BCL10: variants seen among roughly 807,000 people sequenced by gnomAD.
The protein encoded by BCL10 is B-cell lymphoma/leukemia 10.
A neutral mutation model predicts 19.2 loss-of-function variants in BCL10; 5 were observed. The observed-to-expected ratio is 0.26, with a 90% confidence interval of 0.14 to 0.55. The LOEUF is 0.55. Ranked by LOEUF, BCL10 falls within the 20% of genes least tolerant of loss-of-function variation. The pLI, the probability that BCL10 is intolerant of heterozygous loss-of-function variation, is 0.94. For missense variants in BCL10, 201 were observed against 271.9 expected, an observed-to-expected ratio of 0.74 and a Z score of 1.83; for synonymous variants, 110 against 98.8, an observed-to-expected ratio of 1.11 and a Z score of -0.67.
In BCL10 at chr1:85,267,593, T is replaced by C; in HGVS notation, c.*34A>G. On this transcript the variant is annotated 3_prime_UTR_variant, in exon 3 of 3. Transcript: ENST00000648566. ...AAAGTCATATTCTTTAAAACATTTT[T>C]TGTCATCATTAAAAATTAAAAGGCA... 1.3e-6 allele frequency: 2 copies of C among 1,489,626 alleles called. No individual in the cohort carries two copies. The highest frequency in any genetic ancestry group is 1.8e-6 in the Non-Finnish European group (2 of 1,105,466). The allele number at this position is 1,489,626 out of a possible 1,614,324, so 92.3% of individuals were successfully genotyped here.
rs1257970913 is a variant in BCL10, at chr1:85,267,076, ACT to A, written c.*549_*550del. 1 of 189,550 alleles carries A rather than the reference ACT, an allele frequency of 5.3e-6. No homozygotes were observed. The highest frequency in any genetic ancestry group is 8.3e-5 in the East Asian group (1 of 11,998). The allele number at this position is 189,550 out of a possible 1,614,324, so 11.7% of individuals were successfully genotyped here. A position where few individuals can be genotyped will look rare whatever the true frequency, so the allele number is the denominator to read the frequency against. On this transcript the variant is annotated 3_prime_UTR_variant, in exon 3 of 3. Transcript: ENST00000648566. The stretch of plus-strand genomic sequence containing the variant: ...CAAACCGAGATCTTAGGTGGCTCAC[ACT>A]CCATCAAGTGTTCCTCCAGTATCAA...
rs1399839840 is a variant in BCL10 at position 85,266,343 on chromosome 1, G to C, written c.*1284C>G. Reference sequence around the variant, plus strand: ...ATATAGGAGACAATGTCAGGAAACAGATAAAATTGTAATTTAAATAAAAAC... The same window carrying C: ...ATATAGGAGACAATGTCAGGAAACACATAAAATTGTAATTTAAATAAAAAC... On this transcript the variant is annotated 3_prime_UTR_variant, in exon 3 of 3. Transcript: ENST00000648566. 5.4e-6 allele frequency: 1 copy of C among 185,980 alleles called. No individual in the cohort carries two copies. Among genetic ancestry groups the C allele is most frequent in the Non-Finnish European group, 1.1e-5 (1 of 87,826 alleles). The allele number at this position is 185,980 out of a possible 1,614,324, so 11.5% of individuals were successfully genotyped here. A position where few individuals can be genotyped will look rare whatever the true frequency, so the allele number is the denominator to read the frequency against.
chr1:85,267,647 G>A lies in BCL10; in HGVS notation c.682C>T (p.Arg228Cys), dbSNP rs1557784897. 2.5e-6 allele frequency: 4 copies of A among 1,601,084 alleles called. No individual in the cohort carries two copies. The highest frequency in any genetic ancestry group is 1.4e-5 in the African/African-American group (1 of 74,064). ...AAGTGTCATTGTCGTGAAACAGTAC[G>A]TGATCTTAAGGGAAGAAACATCTCA... is the stretch of plus-strand genomic sequence containing the variant. ...SSEMFLPLRS[R>C]TVSRQ Residue 228 changes from arginine to cysteine, a missense_variant, in exon 3 of 3, where the codon CGT becomes TGT. Physicochemically the swap from Arg to Cys is radical, Grantham distance 180. Coordinates refer to ENST00000648566, the MANE Select transcript of BCL10 (RefSeq NM_003921.5).
At chr1:85,271,212 G>A (rs1219521729) in intron 1 of BCL10, among the ~76,000 whole-genome samples, 2 of 152,156 alleles carry the variant, frequency 1.3e-5, no homozygotes, top group Admixed American at 6.5e-5. Flanking sequence ...GGCCATCTTC[G>A]GGAGTAAAGA....
Position 85,266,571 on chromosome 1 carries a change from T to C in BCL10, c.*1056A>G, listed in dbSNP as rs1324453559. ...GAGAATGAAAAGTACAGAGAAAATA[T>C]TTTTTAAAAATCTCATCAGGCTAGG... On this transcript the variant is annotated 3_prime_UTR_variant, in exon 3 of 3. Coordinates refer to ENST00000648566, the MANE Select transcript of BCL10 (RefSeq NM_003921.5). The C allele has an allele frequency of 1.1e-5, 2 of 181,792 alleles. No homozygotes were observed. The highest frequency in any genetic ancestry group is 6.3e-5 in the Admixed American group (1 of 15,924). 11.3% of individuals were successfully genotyped at this position (181,792 alleles called of 1,614,324 possible). A position where few individuals can be genotyped will look rare whatever the true frequency, so the allele number is the denominator to read the frequency against.
chr1:85,268,026 A>C, intron 2 of BCL10, 44 bp from the exon 3 acceptor site: 1 of 1,332,884 alleles, frequency 7.5e-7, no homozygotes, highest in Non-Finnish European at 1.0e-6. Context: ...GTAACTAAAA[A>C]AATGGAGTCA....
At position 85,265,983 on chromosome 1, in the gene BCL10, T is replaced by C; in HGVS notation, c.*1644A>G. Among the ~76,000 whole-genome samples the C allele has an allele frequency of 6.6e-6, 1 of 152,238 alleles. No homozygotes were observed. The highest frequency in any genetic ancestry group is 1.9e-4 in the East Asian group (1 of 5,206). On this transcript the variant is annotated 3_prime_UTR_variant, in exon 3 of 3. Coordinates refer to ENST00000648566, the MANE Select transcript of BCL10 (RefSeq NM_003921.5). Reference sequence around the variant, plus strand: ...CCTTAAATGTAACCTATTTTCTTTCTAACACCACTATTTTTGCTATGCATT... The same window carrying C: ...CCTTAAATGTAACCTATTTTCTTTCCAACACCACTATTTTTGCTATGCATT...
Position 85,276,520 on chromosome 1 carries a change from A to G in BCL10, c.-168T>C. The G allele has an allele frequency of 2.9e-6, 2 of 690,930 alleles. No homozygotes were observed. Among genetic ancestry groups the G allele is most frequent in the South Asian group, 3.7e-5 (2 of 54,030 alleles). 42.8% of individuals were successfully genotyped at this position (690,930 alleles called of 1,614,324 possible). ...GGGAACAGAGGGACTCGGGGGTCAA[A>G]CCGTAGCGCTTCCGGCCCCGCCTCT... On this transcript the variant is annotated 5_prime_UTR_variant, in exon 1 of 3. Coordinates refer to ENST00000648566, the MANE Select transcript of BCL10 (RefSeq NM_003921.5).
rs563408505 is a variant in BCL10 at position 85,268,050 on chromosome 1, G to A, written c.347-68C>T. The A allele has an allele frequency of 8.2e-5, 89 of 1,090,746 alleles. No homozygotes were observed. In the Admixed American group the frequency reaches 1.2e-3, roughly 14 times the overall value. 67.6% of individuals were successfully genotyped at this position (1,090,746 alleles called of 1,614,324 possible). On this transcript the variant is annotated intron_variant, in intron 2 of 2. Coordinates refer to ENST00000648566, the MANE Select transcript of BCL10 (RefSeq NM_003921.5). ...AAAATGGAGTCACTGTCCATCTTGT[G>A]ACTTGTTAAAGATTACAAGCTAGTT... is the stretch of plus-strand genomic sequence containing the variant.
Position 85,267,705 on chromosome 1 carries a change from C to T in BCL10, c.624G>A (p.Gln208=), listed in dbSNP as rs1164194685. 1.9e-6 allele frequency: 3 copies of T among 1,614,028 alleles called. No individual in the cohort carries two copies. The highest frequency in any genetic ancestry group is 1.3e-5 in the African/African-American group (1 of 74,908). Residue 208 remains glutamine, a synonymous_variant, in exon 3 of 3, where the codon CAG becomes CAA. Coordinates refer to ENST00000648566, the MANE Select transcript of BCL10 (RefSeq NM_003921.5). ...TTGCACAAGTTCCTTCTTCTTCTAA[C>T]TGTAGATCTGGTGGCAAAGGAGGAG... ...PGAPPLPPDL[Q]LEEEGTCANS...
At chr1:85,268,728 A>G (rs1296448896) in intron 2 of BCL10, among the ~76,000 whole-genome samples, 1 of 145,208 alleles carries the variant, frequency 6.9e-6, no homozygotes, top group Non-Finnish European at 1.5e-5. Flanking sequence ...AGATCATGCC[A>G]TTGCACTCCA....
In BCL10 at chr1:85,266,382, A is replaced by G. The variant is rs1060846; in HGVS notation, c.*1245T>C. 0.45 allele frequency: 83,562 copies of G among 186,572 alleles called. 19,024 individuals are homozygous for G. The highest frequency in any genetic ancestry group is 0.59 in the South Asian group (3,026 of 5,124). The allele number at this position is 186,572 out of a possible 1,614,324, so 11.6% of individuals were successfully genotyped here. A position where few individuals can be genotyped will look rare whatever the true frequency, so the allele number is the denominator to read the frequency against. ...TTAAATAAAAACAAACAGTGAGAGC[A>G]TAAGATTTATAAACATGTAAAATTA... On this transcript the variant is annotated 3_prime_UTR_variant, in exon 3 of 3. Coordinates refer to ENST00000648566, the MANE Select transcript of BCL10 (RefSeq NM_003921.5).
intron 2 of BCL10, 95 bp downstream of exon 2, chr1:85,270,523 C>G: frequency 8.8e-7 from 1 of 1,133,478 alleles, no homozygotes; most frequent in Non-Finnish European, 1.3e-6. Flanking sequence ...ATCCTCCTGC[C>G]TTGGCCTCCT....
intron 2 of BCL10, among the ~76,000 whole-genome samples, chr1:85,269,435 T>A (rs1282579802): frequency 2.0e-5 from 3 of 152,218 alleles, no homozygotes; most frequent in Non-Finnish European, 4.4e-5. Flanking sequence ...GAGTTGACAA[T>A]TTTTAGGCAA....
intron 1 of BCL10, among the ~76,000 whole-genome samples, chr1:85,272,421 T>G (rs1438733761): frequency 1.3e-5 from 2 of 149,398 alleles, no homozygotes; most frequent in Non-Finnish European, 3.0e-5. Context: ...TTTTTTTTTT[T>G]GTAGAGAAGG....
intron 1 of BCL10, among the ~76,000 whole-genome samples, chr1:85,275,772 C>T (rs920390552): frequency 3.3e-5 from 5 of 152,200 alleles, no homozygotes; most frequent in Admixed American, 6.5e-5. Context: ...CCCCCAACCC[C>T]AATTTAAATA....
intron 1 of BCL10, among the ~76,000 whole-genome samples, chr1:85,275,868 C>T (rs1436814616): frequency 2.0e-5 from 3 of 152,226 alleles, no homozygotes; most frequent in Non-Finnish European, 4.4e-5. Context: ...AAGAGCTTCA[C>T]ATTTTTGGTC....
At chr1:85,272,704 A>C (rs773175743) in intron 1 of BCL10, among the ~76,000 whole-genome samples, 1 of 152,084 alleles carries the variant, frequency 6.6e-6, no homozygotes, top group Non-Finnish European at 1.5e-5. Flanking sequence ...TCTAGTACTC[A>C]CCCTTGTGAG....
chr1:85,275,087 T>C (rs973513253), intron 1 of BCL10, among the ~76,000 whole-genome samples: 1 of 152,226 alleles, frequency 6.6e-6, no homozygotes, highest in African/African-American at 2.4e-5. Flanking sequence ...AGTGGGAACA[T>C]TGTAAACTGT....
Sources: gnomAD v4.1 joint callset for allele counts (sites outside exome capture counted in the v4.1 genomes callset) on GRCh38, gnomAD v4.1.1 for gene constraint, MANE v1.5 for transcripts, NCBI Gene and HGNC (gene_info 2026-07-23, HGNC 2026-07-21) for gene names.